TNKS: variants seen among roughly 807,000 people sequenced by gnomAD.
TNKS encodes tankyrase.
TNKS carries 72 observed loss-of-function variants against 135.8 expected under a neutral mutation model. That is an observed-to-expected ratio of 0.53 (90% CI 0.44 to 0.64). TNKS has a LOEUF of 0.64. Among genes scored for constraint, TNKS ranks in the 30% least tolerant of loss-of-function variants. The pLI is 0.00. For synonymous variants in TNKS, 849 were observed against 649.3 expected, an observed-to-expected ratio of 1.31 and a Z score of -4.68; for missense variants, 1,769 against 1,674.0, an observed-to-expected ratio of 1.06 and a Z score of -0.99.
intron 3 of TNKS, among the ~76,000 whole-genome samples, chr8:9,644,373 C>G (rs192661366): frequency 9.6e-4 from 146 of 152,214 alleles, no homozygotes; most frequent in African/African-American, 3.3e-3. Flanking sequence ...TGGCAATTGG[C>G]TCTTTCCAAT....
chr8:9,645,011 G>C (rs1234793471), intron 3 of TNKS, among the ~76,000 whole-genome samples: 1 of 152,236 alleles, frequency 6.6e-6, no homozygotes, highest in Middle Eastern at 3.4e-3. Flanking sequence ...TCATGGGTTT[G>C]GTGTATTAAA....
chr8:9,591,980 A>G (rs1563100961), intron 2 of TNKS, among the ~76,000 whole-genome samples: 2 of 152,212 alleles, frequency 1.3e-5, no homozygotes, highest in Non-Finnish European at 2.9e-5. Flanking sequence ...ATATATTTTT[A>G]AAGATTAAAA....
chr8:9,717,540 G>A (rs1335121742), intron 11 of TNKS, among the ~76,000 whole-genome samples: 2 of 152,074 alleles, frequency 1.3e-5, no homozygotes, highest in Non-Finnish European at 2.9e-5. Flanking sequence ...AGTTCCTAAT[G>A]TTTGTTCAAT....
chr8:9,760,510 T>C (rs7845986), intron 20 of TNKS, among the ~76,000 whole-genome samples: 45,998 of 152,150 alleles, frequency 0.3, 7,340 homozygotes, highest in East Asian at 0.42. Flanking sequence ...CTTGTTTGAG[T>C]TGGAAACTGC....
intron 20 of TNKS, among the ~76,000 whole-genome samples, chr8:9,756,976 T>G (rs7827369): frequency 0.27 from 41,669 of 151,928 alleles, 6,187 homozygotes; most frequent in East Asian, 0.39. Flanking sequence ...TGTTTGTTTT[T>G]TTTTGTTTGT....
intron 17 of TNKS, among the ~76,000 whole-genome samples, chr8:9,747,162 C>T (rs992276129): frequency 2.6e-5 from 4 of 152,022 alleles, no homozygotes; most frequent in African/African-American, 4.8e-5. Context: ...GGATTACAGG[C>T]GTGAGCCACC....
chr8:9,631,771 T>G (rs1800298501), intron 3 of TNKS, among the ~76,000 whole-genome samples: 1 of 152,140 alleles, frequency 6.6e-6, no homozygotes, highest in South Asian at 2.1e-4. Flanking sequence ...GATTTTTTTT[T>G]TTTTTCAAGA....
intron 20 of TNKS, among the ~76,000 whole-genome samples, chr8:9,752,928 G>A (rs922694974): frequency 2.0e-5 from 3 of 149,202 alleles, no homozygotes; most frequent in Admixed American, 6.7e-5. Flanking sequence ...TTGTGCCACT[G>A]CATTCTAGCT....
intron 3 of TNKS, among the ~76,000 whole-genome samples, chr8:9,648,509 C>T (rs921684643): frequency 1.7e-4 from 26 of 152,162 alleles, no homozygotes; most frequent in Non-Finnish European, 7.3e-5. Context: ...CCCATGCCGT[C>T]CCACTGAAAG....
At chr8:9,750,914 C>T (rs1043645728) in intron 18 of TNKS, among the ~76,000 whole-genome samples, 3 of 152,178 alleles carry the variant, frequency 2.0e-5, no homozygotes, top group African/African-American at 7.2e-5. Context: ...GTAGTCTAGC[C>T]CAAACTTCTG....
intron 26 of TNKS, chr8:9,772,572 G>GC (rs1163619680): frequency 1.4e-5 from 5 of 362,388 alleles, no homozygotes; most frequent in Non-Finnish European, 2.7e-5. Flanking sequence ...TTAACCTTCT[G>GC]CCCCCAACTG....
chr8:9,567,696 C>A (rs1020266103), intron 1 of TNKS, among the ~76,000 whole-genome samples: 2 of 152,212 alleles, frequency 1.3e-5, no homozygotes, highest in Admixed American at 6.5e-5. Flanking sequence ...GGATTACAGG[C>A]CTGAGCCACC....
chr8:9,674,072 CAAT>C (rs1264878237), intron 3 of TNKS, among the ~76,000 whole-genome samples: 2 of 152,104 alleles, frequency 1.3e-5, no homozygotes, highest in Admixed American at 6.5e-5. Context: ...CTTTTTATAA[CAAT>C]TTAGTAGAGT....
Position 9,734,883 on chromosome 8 carries a change from A to C in TNKS, c.2332A>C (p.Lys778Gln). The C allele has an allele frequency of 5.6e-6, 9 of 1,614,028 alleles. No homozygotes were observed. Among genetic ancestry groups the C allele is most frequent in the Non-Finnish European group, 7.6e-6 (9 of 1,179,948 alleles). The change falls in exon 16 of 27, where the codon AAA becomes CAA. Residue 778 changes from lysine to glutamine, a missense_variant. Physicochemically the swap from Lys to Gln is moderately conservative, Grantham distance 53. Coordinates refer to ENST00000310430, the MANE Select transcript of TNKS (RefSeq NM_003747.3). ...LLLKHGADPT[K>Q]KNRDGNTPLD... is the part of the protein sequence containing the mutation. Reference sequence around the variant, plus strand: ...TTTGTAGCATGGAGCAGATCCAACTAAAAAGAACAGAGATGGAAATACACC... The same window carrying C: ...TTTGTAGCATGGAGCAGATCCAACTCAAAAGAACAGAGATGGAAATACACC...
At chr8:9,600,048 G>A (rs1206620022) in intron 2 of TNKS, among the ~76,000 whole-genome samples, 1 of 152,070 alleles carries the variant, frequency 6.6e-6, no homozygotes, top group Non-Finnish European at 1.5e-5. Context: ...ATGTGCATAG[G>A]CTTGTTTTGT....
At chr8:9,667,438 C>T (rs1378519160) in intron 3 of TNKS, among the ~76,000 whole-genome samples, 1 of 152,214 alleles carries the variant, frequency 6.6e-6, no homozygotes, top group African/African-American at 2.4e-5. Context: ...ATGCGTAAGC[C>T]TACTGAGGGC....
At chr8:9,656,839 C>T (rs1801398502) in intron 3 of TNKS, among the ~76,000 whole-genome samples, 1 of 140,746 alleles carries the variant, frequency 7.1e-6, no homozygotes, top group East Asian at 2.0e-4. Context: ...AGCATGCTGC[C>T]TTCAAGCATC....
chr8:9,648,643 T>C (rs1801012728), intron 3 of TNKS, among the ~76,000 whole-genome samples: 1 of 152,214 alleles, frequency 6.6e-6, no homozygotes, highest in Admixed American at 6.5e-5. Context: ...TACACCAGCA[T>C]CACTACAAAC....
chr8:9,605,584 T>A (rs988584310), intron 2 of TNKS, among the ~76,000 whole-genome samples: 8 of 152,126 alleles, frequency 5.3e-5, no homozygotes, highest in Non-Finnish European at 8.8e-5. Context: ...TCCAAAATGG[T>A]TAAACCATTC....
Sources: allele counts gnomAD v4.1 joint callset (sites outside exome capture counted in the v4.1 genomes callset), GRCh38; gene constraint gnomAD v4.1.1; transcripts MANE v1.5; gene names NCBI Gene and HGNC (gene_info 2026-07-23, HGNC 2026-07-21).